FANCB: variants seen among roughly 807,000 people sequenced by gnomAD.
FANCB encodes the protein Fanconi anemia group B protein.
FANCB carries 5 observed loss-of-function variants against 38.9 expected under a neutral mutation model. That is an observed-to-expected ratio of 0.13 (90% CI 0.07 to 0.27). The LOEUF is 0.27. FANCB is among the 10% of genes least tolerant of loss of function. The pLI, the probability that FANCB is intolerant of heterozygous loss-of-function variation, is 1.00. For missense variants in FANCB, 573 were observed against 602.7 expected (o/e 0.95, Z 0.52); for synonymous variants, 236 against 215.4 (o/e 1.10, Z -0.84).
chrX:14,814,197 T>C, the FANCB span, among the ~76,000 whole-genome samples: 1 of 111,753 alleles, frequency 8.9e-6, no homozygotes, highest in Non-Finnish European at 1.9e-5. Context: ...AAGACTTAAA[T>C]GTTAGACCTA....
chrX:14,819,827 T>G, the FANCB span, among the ~76,000 whole-genome samples: 1 of 111,435 alleles, frequency 9.0e-6, no homozygotes, highest in South Asian at 3.8e-4. Context: ...ACGACTACCC[T>G]GATCAGGCCA....
chrX:14,850,540 C>A lies in FANCB; in HGVS notation c.1461G>T (p.Leu487Phe). The A allele has an allele frequency of 8.3e-7, 1 of 1,203,650 alleles. No individual in the cohort carries two copies. Among genetic ancestry groups the A allele is most frequent in the Non-Finnish European group, 1.1e-6 (1 of 888,513 alleles). Residue 487 changes from leucine to phenylalanine, a missense_variant, in exon 7 of 10, where the codon TTG becomes TTT. Leu to Phe is a conservative substitution (Grantham distance 22, BLOSUM62 0). Transcript: ENST00000650831. ...AAGATGTAGTTTTCACTCCAACAAC[C>A]AAGCTATCATCTATTACACGATACC... ...KIWYRVIDDSLVVGVKTTSSL... is the reference protein window; with the variant it reads ...KIWYRVIDDSFVVGVKTTSSL...
the FANCB span, among the ~76,000 whole-genome samples, chrX:14,727,034 G>T: frequency 9.0e-6 from 1 of 111,639 alleles, no homozygotes; most frequent in African/African-American, 3.3e-5. Context: ...GTATTTTGAG[G>T]GGTTGTTTCT....
At chrX:14,772,107 A>G in the FANCB span, among the ~76,000 whole-genome samples, 1 of 111,367 alleles carries the variant, frequency 9.0e-6, no homozygotes, top group Non-Finnish European at 1.9e-5. Context: ...TACCCAAAGA[A>G]GCAGACTGGC....
chrX:14,695,984 T>TC, the FANCB span, among the ~76,000 whole-genome samples: 1 of 109,969 alleles, frequency 9.1e-6, no homozygotes, highest in Non-Finnish European at 1.9e-5. Context: ...GGTATGTGTT[T>TC]CCCCCCAGCA....
At chrX:14,732,102 T>TCGA in the FANCB span, among the ~76,000 whole-genome samples, 1 of 110,421 alleles carries the variant, frequency 9.1e-6, no homozygotes, top group Non-Finnish European at 1.9e-5. Context: ...TTCTCATTGT[T>TCGA]CGACTCCCAC....
At chrX:14,816,921 T>C in the FANCB span, among the ~76,000 whole-genome samples, 1 of 111,939 alleles carries the variant, frequency 8.9e-6, no homozygotes, top group South Asian at 3.7e-4. Context: ...AAAAGGAGAA[T>C]AATGTTACCT....
At position 14,853,098 on chromosome X, in the gene FANCB, A is replaced by G. The variant is rs776805534; in HGVS notation, c.1267T>C (p.Tyr423His). Residue 423 changes from tyrosine (Y) to histidine (H), a missense_variant, in exon 6 of 10, where the codon TAC becomes CAC. Transcript: ENST00000650831. ...LLKEKIISKSYKALINLVQGK... is the reference protein window; with the variant it reads ...LLKEKIISKSHKALINLVQGK... ...TGAACTAGGTTTATTAAAGCTTTGT[A>G]AGATTTTGAAATAATTTTTTCCTTA... 9 of 1,199,265 alleles carry G rather than the reference A, an allele frequency of 7.5e-6. No homozygotes were observed. The Admixed American group carries it at 2.0e-4, about 26-fold the overall frequency.
At chrX:14,696,079 T>C in the FANCB span, among the ~76,000 whole-genome samples, 1 of 107,997 alleles carries the variant, frequency 9.3e-6, no homozygotes, top group Non-Finnish European at 1.9e-5. Flanking sequence ...AGCAGGAAAG[T>C]GAGTGGAAGA....
chrX:14,836,673 G>A (rs1487471928), intron 10 of FANCB, among the ~76,000 whole-genome samples: 1 of 111,662 alleles, frequency 9.0e-6, no homozygotes, highest in Non-Finnish European at 1.9e-5. Flanking sequence ...TTTTCTCTGT[G>A]TAGACATTTT....
chrX:14,804,664 A>T, the FANCB span, among the ~76,000 whole-genome samples: 18 of 112,120 alleles, frequency 1.6e-4, no homozygotes, highest in African/African-American at 5.8e-4. Context: ...TAAAAAAGTT[A>T]AAAAAAATGA....
At chrX:14,858,070 G>A in intron 4 of FANCB, 116 bp from the exon 5 acceptor site, 1 of 516,887 alleles carries the variant, frequency 1.9e-6, no homozygotes, top group Non-Finnish European at 3.2e-6. Flanking sequence ...TTTCCCTAGT[G>A]TGTATAAAAT....
chrX:14,813,257 A>C, the FANCB span, among the ~76,000 whole-genome samples: 4 of 106,234 alleles, frequency 3.8e-5, no homozygotes, highest in Non-Finnish European at 7.7e-5. Context: ...AACTGGCACA[A>C]GACAGGGATG....
chrX:14,788,993 T>A, the FANCB span, among the ~76,000 whole-genome samples: 1 of 112,385 alleles, frequency 8.9e-6, no homozygotes, highest in African/African-American at 3.2e-5. Flanking sequence ...ATGGTAGTGA[T>A]GGTGGCAATA....
the FANCB span, among the ~76,000 whole-genome samples, chrX:14,748,701 G>A: frequency 6.3e-5 from 7 of 111,449 alleles, no homozygotes; most frequent in East Asian, 1.1e-3. Flanking sequence ...AACTAGGTTG[G>A]ATCCCATCAC....
Position 14,845,070 on chromosome X carries a change from C to T in FANCB, c.1713G>A (p.Lys571=). The T allele has an allele frequency of 8.3e-7, 1 of 1,208,478 alleles. No individual in the cohort carries two copies. Among genetic ancestry groups the T allele is most frequent in the Non-Finnish European group, 1.1e-6 (1 of 892,396 alleles). ...CAGTAATTATCTGTACACACTCTTTCTTAGATGGGTGTTCACAAACAAAGC... is the reference window on the plus strand; with the variant it reads ...CAGTAATTATCTGTACACACTCTTTTTTAGATGGGTGTTCACAAACAAAGC... The part of the protein sequence containing the change: ...EESFVCEHPS[K]KECVQIITAV... The change falls in exon 8 of 10, where the codon AAG becomes AAA. Residue 571 remains lysine (K), a synonymous_variant. Coordinates refer to ENST00000650831, the MANE Select transcript of FANCB (RefSeq NM_001018113.3).
chrX:14,765,970 C>G, the FANCB span, among the ~76,000 whole-genome samples: 1 of 111,598 alleles, frequency 9.0e-6, no homozygotes, highest in African/African-American at 3.3e-5. Flanking sequence ...CCCCCCTCTC[C>G]CAGGCGACAC....
chrX:14,803,397 G>A, the FANCB span, among the ~76,000 whole-genome samples: 1 of 112,580 alleles, frequency 8.9e-6, no homozygotes, highest in Non-Finnish European at 1.9e-5. Flanking sequence ...TTAGCCACAG[G>A]CATGTACTGT....
intron 7 of FANCB, among the ~76,000 whole-genome samples, chrX:14,847,779 T>A (rs1323574089): frequency 1.8e-5 from 2 of 110,677 alleles, no homozygotes; most frequent in South Asian, 3.7e-4. Flanking sequence ...GAATACACAA[T>A]TGAAGATCAA....
Sources: gnomAD v4.1 joint callset for allele counts (sites outside exome capture counted in the v4.1 genomes callset) on GRCh38, gnomAD v4.1.1 for gene constraint, MANE v1.5 for transcripts, NCBI Gene and HGNC (gene_info 2026-07-23, HGNC 2026-07-21) for gene names.